The following NLRP1 variants were observed in gnomAD, a reference collection of about 807,000 sequenced individuals.
The protein encoded by NLRP1 is NACHT, LRR and PYD domains-containing protein 1.
NLRP1 carries 94 observed loss-of-function variants against 136.7 expected under a neutral mutation model. That is an observed-to-expected ratio of 0.69 (90% CI 0.58 to 0.82). The LOEUF (loss-of-function observed/expected upper bound fraction) is 0.82. Ranked by LOEUF, NLRP1 falls within the 40% of genes least tolerant of loss-of-function variation. The probability of loss-of-function intolerance (pLI) is 0.00; values close to 1 mark genes in which losing one functional copy is unlikely to be tolerated. For missense variants in NLRP1, 1,575 were observed against 1,802.7 expected, an observed-to-expected ratio of 0.87 and a Z score of 2.29; for synonymous variants, 690 against 725.1, an observed-to-expected ratio of 0.95 and a Z score of 0.78.
chr17:5,543,587 G>A (rs534158792), intron 5 of NLRP1, among the ~76,000 whole-genome samples: 1 of 152,010 alleles, frequency 6.6e-6, no homozygotes, highest in South Asian at 2.1e-4. Flanking sequence ...AGATCCCTGA[G>A]GGAGGTTGTA....
rs765811215 is a variant in NLRP1 at position 5,559,617 on chromosome 17, C to G, written c.1079G>C (p.Arg360Pro). The G allele has an allele frequency of 3.7e-6, 6 of 1,614,076 alleles. No individual in the cohort carries two copies. Among genetic ancestry groups the G allele is most frequent in the Non-Finnish European group, 5.1e-6 (6 of 1,180,032 alleles). The stretch of plus-strand genomic sequence containing the variant: ...GCTGAAGTAGAAGACATGCTGGAAG[C>G]GGTCCCCATACAGCTGGCCTCTCCC... ...AWGRGQLYGDRFQHVFYFSCR... is the reference protein window; with the variant it reads ...AWGRGQLYGDPFQHVFYFSCR... The change falls in exon 4 of 17, where the codon CGC becomes CCC. Residue 360 changes from arginine to proline, a missense_variant. Transcript: ENST00000572272.
Position 5,517,787 on chromosome 17 carries a change from T to C in NLRP1, c.4016A>G (p.Lys1339Arg). Residue 1339 changes from lysine to arginine, a missense_variant, in exon 15 of 17, where the codon AAG becomes AGG. Transcript: ENST00000572272. ...CTCCCACACCAGAGTCTCATCTTTCTTGTCTTTCACTTGCAGCCTGATCCC... is the reference window on the plus strand; with the variant it reads ...CTCCCACACCAGAGTCTCATCTTTCCTGTCTTTCACTTGCAGCCTGATCCC... ...GSGIRLQVKD[K>R]KDETLVWEAL... The C allele has an allele frequency of 6.2e-7, 1 of 1,614,236 alleles. No individual in the cohort carries two copies. The highest frequency in any genetic ancestry group is 2.2e-5 in the East Asian group (1 of 44,880).
chr17:5,501,677 T>C (rs118104465), exon 16 of NLRP1: 16,305 of 654,550 alleles, frequency 0.025, 266 homozygotes, highest in Middle Eastern at 0.048. Context: ...GCATCTCGCA[T>C]ATGATTAAGA....
At position 5,530,529 on chromosome 17, in the gene NLRP1, G is replaced by A; in HGVS notation, c.3472C>T (p.Pro1158Ser). The A allele has an allele frequency of 6.2e-7, 1 of 1,614,198 alleles. No individual in the cohort carries two copies. Among genetic ancestry groups the A allele is most frequent in the Non-Finnish European group, 8.5e-7 (1 of 1,180,028 alleles). Residue 1158 changes from proline to serine, a missense_variant, in exon 12 of 17, where the codon CCT becomes TCT. Transcript: ENST00000572272. The stretch of plus-strand genomic sequence containing the variant: ...AGGTGCACAGCTTCCACAGCTCCAG[G>A]CTCAGCCTTGATGTCCAGCAGAGGC... The part of the protein sequence containing the change: ...AGPLLDIKAE[P>S]GAVEAVHLPH...
chr17:5,581,398 C>T (rs1300776079), intron 3 of NLRP1, among the ~76,000 whole-genome samples: 4 of 152,224 alleles, frequency 2.6e-5, no homozygotes, highest in Non-Finnish European at 5.9e-5. Context: ...CAATATTTAT[C>T]TCACGGAGTG....
At chr17:5,503,786 C>T (rs73341258) in intron 15 of NLRP1, 47,678 of 151,916 alleles carry the variant, frequency 0.31, 8,711 homozygotes, top group African/African-American at 0.51. Flanking sequence ...GACACCAGAG[C>T]GTTCCAGGAA....
intron 3 of NLRP1, among the ~76,000 whole-genome samples, chr17:5,575,446 A>T (rs1007143467): frequency 6.6e-6 from 1 of 152,204 alleles, no homozygotes; most frequent in Non-Finnish European, 1.5e-5. Flanking sequence ...AAGCAAATGG[A>T]AAACAAAAAA....
chr17:5,518,718 T>C (rs1331666688), intron 14 of NLRP1, among the ~76,000 whole-genome samples: 2 of 151,604 alleles, frequency 1.3e-5, no homozygotes, highest in East Asian at 3.9e-4. Flanking sequence ...TTCATAGAGA[T>C]GAGGTCTCCC....
intron 12 of NLRP1, among the ~76,000 whole-genome samples, chr17:5,525,979 A>ATT (rs10643993): frequency 0.3 from 44,220 of 147,758 alleles, 7,630 homozygotes; most frequent in Non-Finnish European, 0.39. Flanking sequence ...AAGCTACTAA[A>ATT]TTTTTTTTTT....
At chr17:5,544,237 T>TG (rs1342496038) in intron 5 of NLRP1, among the ~76,000 whole-genome samples, 1 of 152,010 alleles carries the variant, frequency 6.6e-6, no homozygotes, top group Non-Finnish European at 1.5e-5. Context: ...GGATCAGGCA[T>TG]GGGTAGGTTG....
chr17:5,530,788 C>T (rs1567639388), intron 11 of NLRP1, 84 bp from the exon 12 acceptor site: 4 of 1,032,618 alleles, frequency 3.9e-6, no homozygotes, highest in Admixed American at 1.8e-5. Context: ...CAGGGGCTTG[C>T]GGATACGGTA....
At chr17:5,566,158 TTAA>T (rs1915309764) in intron 3 of NLRP1, among the ~76,000 whole-genome samples, 1 of 152,152 alleles carries the variant, frequency 6.6e-6, no homozygotes, top group Non-Finnish European at 1.5e-5. Flanking sequence ...TTTTTTCTTT[TTAA>T]TTTCATTTAT....
In NLRP1 at chr17:5,559,475, G is replaced by A; in HGVS notation, c.1221C>T (p.Phe407=). 1 of 1,614,182 alleles carries A rather than the reference G, an allele frequency of 6.2e-7. No homozygotes were observed. The highest frequency in any genetic ancestry group is 8.5e-7 in the Non-Finnish European group (1 of 1,179,994). Residue 407 remains phenylalanine, a synonymous_variant, in exon 4 of 17, where the codon TTC becomes TTT. Transcript: ENST00000572272. ...CTGGCTCATCTACACCATCGAGGAT[G>A]AAGAGCAGCCGCTCTGGCCTAGACA... ...QILSRPERLL[F]ILDGVDEPGW... is the part of the protein sequence containing the mutation.
Position 5,558,507 on chromosome 17 carries a change from A to T in NLRP1, c.2189T>A (p.Phe730Tyr). 2 of 1,613,964 alleles carry T rather than the reference A, an allele frequency of 1.2e-6. No homozygotes were observed. The highest frequency in any genetic ancestry group is 2.2e-5 in the East Asian group (1 of 44,846). ...HCLYETRNKT[F>Y]LTQVMAHFEE... ...GAAATGGGCCATCACTTGTGTCAGG[A>T]ACGTTTTGTTCCGAGTCTCGTACAA... Residue 730 changes from phenylalanine (F) to tyrosine (Y), a missense_variant, in exon 4 of 17, where the codon TTC becomes TAC. By Grantham distance (22) the Phe-to-Tyr change is conservative. Coordinates refer to ENST00000572272, the MANE Select transcript of NLRP1 (RefSeq NM_033004.4).
At chr17:5,579,203 A>G (rs1284388412) in intron 3 of NLRP1, among the ~76,000 whole-genome samples, 1 of 152,058 alleles carries the variant, frequency 6.6e-6, no homozygotes. Context: ...TGGCACATGC[A>G]TACACATGTA....
intron 3 of NLRP1, among the ~76,000 whole-genome samples, chr17:5,574,273 A>G (rs1431101716): frequency 6.6e-6 from 1 of 152,194 alleles, no homozygotes; most frequent in Non-Finnish European, 1.5e-5. Flanking sequence ...AGTAAAAAGA[A>G]ACGAACAAAG....
intron 12 of NLRP1, among the ~76,000 whole-genome samples, chr17:5,523,563 T>C (rs186054439): frequency 1.3e-5 from 2 of 152,294 alleles, no homozygotes; most frequent in East Asian, 1.9e-4. Context: ...TCAGCCAGAA[T>C]TGGTACCTTT....
chr17:5,511,774 TTTC>T (rs761294087), downstream of NLRP1, among the ~76,000 whole-genome samples: 2 of 151,650 alleles, frequency 1.3e-5, no homozygotes, highest in South Asian at 2.1e-4. Flanking sequence ...TCTCTTTCTC[TTTC>T]TTCTTTCTTT....
At chr17:5,543,914 T>C (rs1312996713) in intron 5 of NLRP1, among the ~76,000 whole-genome samples, 2 of 152,112 alleles carry the variant, frequency 1.3e-5, no homozygotes, top group Non-Finnish European at 1.5e-5. Flanking sequence ...ACCAGGGTGG[T>C]TGCACAGGGC....
Sources: gnomAD v4.1 joint callset for allele counts (sites outside exome capture counted in the v4.1 genomes callset) on GRCh38, gnomAD v4.1.1 for gene constraint, MANE v1.5 for transcripts, NCBI Gene and HGNC (gene_info 2026-07-23, HGNC 2026-07-21) for gene names.